TPR: variants seen among roughly 807,000 people sequenced by gnomAD.
TPR encodes the protein nucleoprotein TPR.
In TPR, 51 loss-of-function variants were observed where a neutral mutation model predicts 316.1. The observed-to-expected ratio is 0.16, with a 90% CI of 0.13 to 0.20. TPR has a LOEUF of 0.20. Ranked by LOEUF, TPR falls within the 10% of genes least tolerant of loss-of-function variation. TPR has a pLI of 1.00. For synonymous variants in TPR, 981 were observed against 914.7 expected (o/e 1.07, Z -1.31); for missense variants, 2,272 against 2,754.8 (o/e 0.82, Z 3.92).
chr1:186,372,308 G>A (rs575055105), intron 2 of TPR, among the ~76,000 whole-genome samples: 6 of 152,302 alleles, frequency 3.9e-5, no homozygotes, highest in Non-Finnish European at 2.9e-5. Context: ...TTGGGACGCC[G>A]AGGCGGGAGA....
chr1:186,345,118 C>CGCATACATACATACACTCAAAAT (rs1658636804), intron 24 of TPR, among the ~76,000 whole-genome samples: 1 of 151,924 alleles, frequency 6.6e-6, no homozygotes, highest in East Asian at 1.9e-4. Flanking sequence ...ATACTGTGTG[C>CGCATACATACATACACTCAAAAT]ACATACATAC....
rs543150876 is a variant in TPR, at chr1:186,312,124, G to A, written c.*1847C>T. On this transcript the variant is annotated 3_prime_UTR_variant, in exon 51 of 51. Transcript: ENST00000367478. ...AAAAGTTGTTTTCCACCTTTTCTGA[G>A]GGTATTAAAATTAATTTTCATTTTC... 9.1e-6 allele frequency: 14 copies of A among 1,534,190 alleles called. No homozygotes were observed. In the East Asian group the frequency reaches 2.9e-4, roughly 32 times the overall value.
rs1181065502 is a variant in TPR at position 186,312,306 on chromosome 1, G to C, written c.*1665C>G. 1 of 1,612,970 alleles carries C rather than the reference G, an allele frequency of 6.2e-7. No homozygotes were observed. The highest frequency in any genetic ancestry group is 1.1e-5 in the South Asian group (1 of 90,786). Reference sequence around the variant, plus strand: ...GAGACGTCGCTTTGAACGTGCTATAGGACCTTCTCAAACACACACCATCAG... The same window carrying C: ...GAGACGTCGCTTTGAACGTGCTATACGACCTTCTCAAACACACACCATCAG... On this transcript the variant is annotated 3_prime_UTR_variant, in exon 51 of 51. Transcript: ENST00000367478.
At chr1:186,356,657 T>C (rs1193776138) in intron 14 of TPR, 2 of 437,896 alleles carry the variant, frequency 4.6e-6, no homozygotes, top group Non-Finnish European at 8.0e-6. Flanking sequence ...CAATGCAATC[T>C]GAAAAATTTG....
chr1:186,363,057 A>T, intron 5 of TPR, 56 bp from the exon 6 acceptor site: 1 of 1,530,452 alleles, frequency 6.5e-7, no homozygotes, highest in East Asian at 2.3e-5. Flanking sequence ...TGATTATTCA[A>T]AAGATTTTGT....
intron 39 of TPR, 46 bp from the exon 40 acceptor site, chr1:186,327,706 A>T: frequency 8.5e-6 from 13 of 1,535,102 alleles, no homozygotes; most frequent in Non-Finnish European, 1.2e-5. Flanking sequence ...CCCTATAAAC[A>T]TACCTAAAAC....
chr1:186,312,055 A>C lies in TPR; in HGVS notation c.*1916T>G. ...ACTAATAGCCATTATTAATATCAAT[A>C]TATTATATGAAAAATGAGAACAAAA... On this transcript the variant is annotated 3_prime_UTR_variant, in exon 51 of 51. Transcript: ENST00000367478. 1 of 766,986 alleles carries C rather than the reference A, an allele frequency of 1.3e-6. No individual in the cohort carries two copies. The highest frequency in any genetic ancestry group is 2.2e-6 in the Non-Finnish European group (1 of 460,818). The allele number at this position is 766,986 out of a possible 1,614,324, so 47.5% of individuals were successfully genotyped here.
intron 1 of TPR, among the ~76,000 whole-genome samples, chr1:186,373,799 G>A (rs1020330961): frequency 6.6e-6 from 1 of 151,982 alleles, no homozygotes; most frequent in Non-Finnish European, 1.5e-5. Flanking sequence ...TTTATTACAC[G>A]AGAAAAAATT....
intron 39 of TPR, among the ~76,000 whole-genome samples, chr1:186,329,906 A>C (rs532679286): frequency 3.9e-5 from 6 of 152,288 alleles, no homozygotes; most frequent in South Asian, 2.1e-4. Context: ...AGCTTAGGAC[A>C]GTTGAAAACT....
chr1:186,346,089 A>G (rs1345307192), intron 23 of TPR, 46 bp downstream of exon 23: 1 of 1,540,046 alleles, frequency 6.5e-7, no homozygotes, highest in Non-Finnish European at 8.7e-7. Context: ...AAAGAATTCA[A>G]ATCCTTACAA....
chr1:186,363,085 A>G, intron 5 of TPR, 84 bp from the exon 6 acceptor site: 1 of 1,390,720 alleles, frequency 7.2e-7, no homozygotes, highest in Non-Finnish European at 9.7e-7. Flanking sequence ...TAAGGGACAC[A>G]AGCAGAATTT....
At chr1:186,320,681 T>A (rs187548535) in intron 45 of TPR, among the ~76,000 whole-genome samples, 31 of 152,326 alleles carry the variant, frequency 2.0e-4, no homozygotes, top group East Asian at 1.9e-3. Flanking sequence ...TGCCTCACAT[T>A]TCTTGAATGT....
At chr1:186,341,535 T>C in intron 27 of TPR, 146 bp from the exon 28 acceptor site, 1 of 830,890 alleles carries the variant, frequency 1.2e-6, no homozygotes, top group Non-Finnish European at 1.8e-6. Context: ...AGTTCACGTT[T>C]ACTTTTCTGT....
chr1:186,374,843 C>A, intron 1 of TPR, 35 bp downstream of exon 1: 1 of 1,567,428 alleles, frequency 6.4e-7, no homozygotes, highest in Non-Finnish European at 8.7e-7. Flanking sequence ...GGGAGTCGAG[C>A]CCAAAACCAA....
In TPR at chr1:186,359,779, A is replaced by G. The variant is rs958532452; in HGVS notation, c.1389+20T>C. Reference sequence around the variant, plus strand: ...TCATTTGTATTGTTACCACGGCTAAATTTTAGGAATGGAACCAACCTTCAT... The same window carrying G: ...TCATTTGTATTGTTACCACGGCTAAGTTTTAGGAATGGAACCAACCTTCAT... On this transcript the variant is annotated intron_variant, in intron 12 of 50. Transcript: ENST00000367478. 7 of 1,570,454 alleles carry G rather than the reference A, an allele frequency of 4.5e-6. No homozygotes were observed. The highest frequency in any genetic ancestry group is 1.4e-5 in the African/African-American group (1 of 71,518).
At chr1:186,360,674 T>C in intron 10 of TPR, 91 bp downstream of exon 10, 1 of 1,525,662 alleles carries the variant, frequency 6.6e-7, no homozygotes, top group South Asian at 1.2e-5. Flanking sequence ...CATCACAGCA[T>C]GACAGATAAA....
At chr1:186,329,935 T>G (rs1658109464) in intron 39 of TPR, among the ~76,000 whole-genome samples, 1 of 152,188 alleles carries the variant, frequency 6.6e-6, no homozygotes, top group Non-Finnish European at 1.5e-5. Flanking sequence ...TGGGTTTGAA[T>G]CTGAGCTCCA....
chr1:186,341,199 T>C, intron 28 of TPR, 40 bp from the exon 29 acceptor site: 1 of 1,612,624 alleles, frequency 6.2e-7, no homozygotes, highest in South Asian at 1.1e-5. Flanking sequence ...ATGTAAAAAT[T>C]CATTTATTAT....
chr1:186,368,212 A>C (rs1659404039), intron 3 of TPR, among the ~76,000 whole-genome samples: 1 of 152,202 alleles, frequency 6.6e-6, no homozygotes, highest in Non-Finnish European at 1.5e-5. Flanking sequence ...ATCTCTTTTA[A>C]TCACATGGAA....
Sources: gnomAD v4.1 joint callset for allele counts (sites outside exome capture counted in the v4.1 genomes callset) on GRCh38, gnomAD v4.1.1 for gene constraint, MANE v1.5 for transcripts, NCBI Gene and HGNC (gene_info 2026-07-23, HGNC 2026-07-21) for gene names.